The following KIF3A variants were observed in gnomAD, a reference collection of about 807,000 sequenced individuals.
The protein encoded by KIF3A is kinesin-like protein KIF3A.
KIF3A carries 27 observed loss-of-function variants against 92.6 expected under a neutral mutation model. The observed-to-expected ratio is 0.29, with a 90% confidence interval of 0.21 to 0.40. The LOEUF (loss-of-function observed/expected upper bound fraction) is 0.40. Ranked by LOEUF, KIF3A falls within the 10% of genes least tolerant of loss-of-function variation. The pLI is 1.00. For synonymous variants in KIF3A, 250 were observed against 275.4 expected (o/e 0.91, Z 0.92); for missense variants, 581 against 872.6 (o/e 0.67, Z 4.21).
chr5:132,696,818 G>GT lies in KIF3A; in HGVS notation c.2133-137dup, dbSNP rs1752855267. ...CCAAAATTTGACACGTTTGACCATGGTAAGTGTTCAATTAATGCTCGCCTT... is the reference window on the plus strand; with the variant it reads ...CCAAAATTTGACACGTTTGACCATGGTTAAGTGTTCAATTAATGCTCGCCTT... On this transcript the variant is annotated intron_variant, in intron 18 of 18. Transcript: ENST00000403231. The GT allele has an allele frequency of 4.8e-6, 3 of 631,260 alleles. No homozygotes were observed. In the African/African-American group the frequency reaches 5.5e-5, roughly 12 times the overall value. The allele number at this position is 631,260 out of a possible 1,614,324, so 39.1% of individuals were successfully genotyped here. A position where few individuals can be genotyped will look rare whatever the true frequency, so the allele number is the denominator to read the frequency against.
In KIF3A at chr5:132,737,475, A is replaced by G. The variant is rs1581108245; in HGVS notation, c.-56T>C. 1.5e-5 allele frequency: 24 copies of G among 1,589,570 alleles called. No homozygotes were observed. The East Asian group carries it at 5.6e-4, about 37-fold the overall frequency. On this transcript the variant is annotated 5_prime_UTR_variant, in exon 1 of 19. Transcript: ENST00000403231. ...CCCGCCCGGGGTGCAGCCCAGCGAC[A>G]CCGGGTGCGCAGAAAGGATGGCCAG...
chr5:132,692,015 A>T (rs1752679149), downstream of KIF3A, among the ~76,000 whole-genome samples: 2 of 151,964 alleles, frequency 1.3e-5, no homozygotes, highest in African/African-American at 4.8e-5. Flanking sequence ...CAAAGAATCA[A>T]ACTAAATGTC....
chr5:132,715,339 C>A (rs1753581402), intron 8 of KIF3A, among the ~76,000 whole-genome samples: 1 of 152,170 alleles, frequency 6.6e-6, no homozygotes, highest in African/African-American at 2.4e-5. Context: ...TTCCTTATAG[C>A]AAACTTGGTT....
intron 10 of KIF3A, among the ~76,000 whole-genome samples, chr5:132,707,088 C>G (rs1753237710): frequency 6.6e-6 from 1 of 150,944 alleles, no homozygotes; most frequent in Non-Finnish European, 1.5e-5. Flanking sequence ...TTTAAAGACA[C>G]AAGTTCTCCC....
In KIF3A at chr5:132,737,293, C is replaced by G. The variant is rs991288435; in HGVS notation, c.6+121G>C. 3.7e-5 allele frequency: 43 copies of G among 1,153,164 alleles called. 1 individual carries two copies. The African/African-American group carries it at 6.4e-4, about 17-fold the overall frequency. The allele number at this position is 1,153,164 out of a possible 1,614,324, so 71.4% of individuals were successfully genotyped here. A position where few individuals can be genotyped will look rare whatever the true frequency, so the allele number is the denominator to read the frequency against. ...TCTCCAACCACCTCCACCGCACGAC[C>G]GAGCCTGCCCCGCCCCACCCAGGCC... On this transcript the variant is annotated intron_variant, in intron 1 of 18. Coordinates refer to ENST00000403231, the MANE Select transcript of KIF3A (RefSeq NM_001300791.2).
chr5:132,710,671 A>C (rs1753389258), intron 9 of KIF3A, among the ~76,000 whole-genome samples: 1 of 152,200 alleles, frequency 6.6e-6, no homozygotes, highest in Admixed American at 6.5e-5. Flanking sequence ...CACAGATGTA[A>C]GTCCCTACAT....
downstream of KIF3A, chr5:132,689,448 A>C (rs2149884779): frequency 6.6e-6 from 1 of 152,354 alleles, no homozygotes; most frequent in East Asian, 1.9e-4. Context: ...GATCCAGAGA[A>C]AAATAAGACT....
At chr5:132,726,012 C>T (rs541887055) in intron 4 of KIF3A, 116 bp downstream of exon 4, 37 of 647,894 alleles carry the variant, frequency 5.7e-5, no homozygotes, top group Admixed American at 2.6e-4. Flanking sequence ...TATATATGTA[C>T]GAGATTATTT....
chr5:132,734,799 G>A (rs184007109), intron 1 of KIF3A, among the ~76,000 whole-genome samples: 136 of 152,246 alleles, frequency 8.9e-4, no homozygotes, highest in African/African-American at 3.0e-3. Flanking sequence ...CTGACCCAGC[G>A]TTTCCTGCCT....
rs17857299 is a variant in KIF3A at position 132,703,623 on chromosome 5, T to C, written c.1310-4A>G. 1 of 1,590,448 alleles carries C rather than the reference T, an allele frequency of 6.3e-7. No individual in the cohort carries two copies. Among genetic ancestry groups the C allele is most frequent in the South Asian group, 1.1e-5 (1 of 87,280 alleles). ...TCTGGGGAGACTTTCTTTTTTCCTA[T>C]TTGAATCATTTAATTGCAACAATCA... On this transcript the variant is annotated splice_region_variant and splice_polypyrimidine_tract_variant and intron_variant, in intron 11 of 18. Transcript: ENST00000403231.
rs768155007 is a variant in KIF3A at position 132,699,240 on chromosome 5, C to T, written c.2063G>A (p.Arg688His). The change falls in exon 18 of 19, where the codon CGT becomes CAT. Residue 688 changes from arginine to histidine, a missense_variant. By Grantham distance (29) the Arg-to-His change is conservative. Coordinates refer to ENST00000403231, the MANE Select transcript of KIF3A (RefSeq NM_001300791.2). The stretch of plus-strand genomic sequence containing the variant: ...TCTTTCTAGTTTCATCAAAGACTGA[C>T]GCAGACTCTCCTCAGTATAGGCAAG... ...VYLAYTEESLRQSLMKLERPR... is the reference protein window; with the variant it reads ...VYLAYTEESLHQSLMKLERPR... The T allele has an allele frequency of 1.7e-5, 27 of 1,613,380 alleles. No individual in the cohort carries two copies. The highest frequency in any genetic ancestry group is 3.3e-5 in the South Asian group (3 of 91,070).
chr5:132,702,753 G>T, intron 13 of KIF3A, 85 bp from the exon 14 acceptor site: 1 of 1,297,724 alleles, frequency 7.7e-7, no homozygotes, highest in Non-Finnish European at 1.1e-6. Context: ...TAAATGTTTA[G>T]CAAATCTGAT....
At chr5:132,733,198 G>A (rs548290813) in intron 2 of KIF3A, among the ~76,000 whole-genome samples, 4 of 152,222 alleles carry the variant, frequency 2.6e-5, no homozygotes, top group South Asian at 2.1e-4. Context: ...AACAGACAGC[G>A]GTGACAGCTG....
At position 132,708,921 on chromosome 5, in the gene KIF3A, T is replaced by C. The variant is rs1414567093; in HGVS notation, c.1286A>G (p.Asp429Gly). The part of the protein sequence containing the change: ...STCSVIEKPL[D>G]KFLPNQAGKK... ...CTACCACTCACTAGGCAAGAACTTATCCAGAGGTTTCTCTATGACAGAACA... is the reference window on the plus strand; with the variant it reads ...CTACCACTCACTAGGCAAGAACTTACCCAGAGGTTTCTCTATGACAGAACA... The change falls in exon 10 of 19, where the codon GAT (aspartate) becomes GGT (glycine). Residue 429 changes from aspartate to glycine, a missense_variant. Coordinates refer to ENST00000403231, the MANE Select transcript of KIF3A (RefSeq NM_001300791.2). The C allele has an allele frequency of 6.5e-7, 1 of 1,549,938 alleles. No individual in the cohort carries two copies. Among genetic ancestry groups the C allele is most frequent in the African/African-American group, 1.4e-5 (1 of 73,134 alleles).
intron 4 of KIF3A, among the ~76,000 whole-genome samples, chr5:132,722,454 T>C (rs1237664710): frequency 6.6e-6 from 1 of 152,190 alleles, no homozygotes; most frequent in Non-Finnish European, 1.5e-5. Flanking sequence ...TCTGGTTCAC[T>C]TGAGGACACT....
chr5:132,703,381 C>T, intron 12 of KIF3A, 82 bp downstream of exon 12: 1 of 1,216,950 alleles, frequency 8.2e-7, no homozygotes. Context: ...CTTTTAATTA[C>T]TATTCAATTT....
At chr5:132,691,547 CA>C (rs60796392), downstream of KIF3A, among the ~76,000 whole-genome samples, 135,821 of 148,286 alleles carry the variant, frequency 0.92, 62,281 homozygotes, top group African/African-American at 0.98. Context: ...AACTCCATCT[CA>C]AAAAAAAAAA....
At chr5:132,718,052 T>C (rs542148629) in intron 5 of KIF3A, among the ~76,000 whole-genome samples, 4 of 152,240 alleles carry the variant, frequency 2.6e-5, no homozygotes, top group African/African-American at 9.6e-5. Context: ...TGACATTCCT[T>C]TTCCCCAATT....
rs17166194 is a variant in KIF3A at position 132,696,330 on chromosome 5, C to T, written c.*304G>A. On this transcript the variant is annotated 3_prime_UTR_variant, in exon 19 of 19. Transcript: ENST00000403231. ...TACAGTAGTTGGATAAATAGCTAAT[C>T]GATTTACACATACATCTAAACTGTA... The T allele has an allele frequency of 0.022, 4,557 of 203,648 alleles. 204 individuals are homozygous for T. Among genetic ancestry groups the T allele is most frequent in the African/African-American group, 0.097 (4,223 of 43,358 alleles). The allele number at this position is 203,648 out of a possible 1,614,324, so 12.6% of individuals were successfully genotyped here.
Sources: allele counts gnomAD v4.1 joint callset (sites outside exome capture counted in the v4.1 genomes callset), GRCh38; gene constraint gnomAD v4.1.1; transcripts MANE v1.5; gene names NCBI Gene and HGNC (gene_info 2026-07-23, HGNC 2026-07-21).